Variants in CHCHD6 observed in about 807,000 individuals in gnomAD.
The protein encoded by CHCHD6 is coiled-coil-helix-coiled-coil-helix domain containing 6.
CHCHD6 carries 28 observed loss-of-function variants against 32.3 expected under a neutral mutation model. That is an observed-to-expected ratio of 0.87 (90% CI 0.64 to 1.19). CHCHD6 has a LOEUF of 1.19. CHCHD6 is among the 50% of genes most tolerant of loss of function. CHCHD6 has a pLI of 0.00. For missense variants in CHCHD6, 333 were observed against 307.0 expected (o/e 1.08, Z -0.63); for synonymous variants, 122 against 117.5 (o/e 1.04, Z -0.25).
intron 4 of CHCHD6, among the ~76,000 whole-genome samples, chr3:126,840,054 T>C (rs1434058356): frequency 6.6e-6 from 1 of 152,242 alleles, no homozygotes; most frequent in Non-Finnish European, 1.5e-5. Flanking sequence ...AATGGAATCA[T>C]ATACTATGTG....
At chr3:126,941,567 G>T (rs2078559771) in intron 6 of CHCHD6, among the ~76,000 whole-genome samples, 1 of 152,048 alleles carries the variant, frequency 6.6e-6, no homozygotes, top group South Asian at 2.1e-4. Flanking sequence ...TTTTTTGGGG[G>T]ATAAGTGCGT....
rs904848652 is a variant in CHCHD6 at position 126,924,969 on chromosome 3, A to G, written c.566+10219A>G. Among the ~76,000 whole-genome samples, 13 of 152,248 alleles carry G rather than the reference A, an allele frequency of 8.5e-5. No homozygotes were observed. The South Asian group carries it at 2.7e-3, about 32-fold the overall frequency. Reference sequence around the variant, plus strand: ...CTCACTTGCTCAGGAGCTGCTGGCCAGGTTTTTGCGTCTGTCATTTCATGT... The same window carrying G: ...CTCACTTGCTCAGGAGCTGCTGGCCGGGTTTTTGCGTCTGTCATTTCATGT... On this transcript the variant is annotated intron_variant, in intron 6 of 7. Transcript: ENST00000290913.
chr3:126,749,687 C>T (rs956286993), intron 4 of CHCHD6, among the ~76,000 whole-genome samples: 1 of 152,226 alleles, frequency 6.6e-6, no homozygotes, highest in African/African-American at 2.4e-5. Flanking sequence ...CTCCATTTCT[C>T]TTCAGTTCCT....
chr3:126,757,044 A>T (rs1371768532), intron 4 of CHCHD6, among the ~76,000 whole-genome samples: 1 of 152,206 alleles, frequency 6.6e-6, no homozygotes, highest in Non-Finnish European at 1.5e-5. Flanking sequence ...AGAAAGCCTG[A>T]ACAACCACAC....
intron 4 of CHCHD6, among the ~76,000 whole-genome samples, chr3:126,810,168 A>T (rs1270111411): frequency 6.6e-6 from 1 of 152,246 alleles, no homozygotes; most frequent in Non-Finnish European, 1.5e-5. Flanking sequence ...AAACAAAGTT[A>T]TACTAGAAAG....
chr3:126,783,537 T>C (rs1938052067), intron 4 of CHCHD6, among the ~76,000 whole-genome samples: 1 of 152,238 alleles, frequency 6.6e-6, no homozygotes, highest in African/African-American at 2.4e-5. Context: ...TGGTCTTATA[T>C]ATAGAAGTTC....
chr3:126,707,871 G>T (rs1053127024), intron 1 of CHCHD6, among the ~76,000 whole-genome samples: 2 of 152,226 alleles, frequency 1.3e-5, no homozygotes, highest in Admixed American at 6.5e-5. Context: ...CCTCACCTCA[G>T]TGAATGTCCA....
chr3:126,856,188 C>CTT (rs201173360), intron 5 of CHCHD6, among the ~76,000 whole-genome samples: 2,746 of 152,338 alleles, frequency 0.018, 32 homozygotes, highest in Middle Eastern at 0.051. Context: ...AAGTTTATGA[C>CTT]TGTTTTGGGC....
chr3:126,727,089 C>T lies in CHCHD6; in HGVS notation c.99C>T (p.Asn33=), dbSNP rs147789687. The T allele has an allele frequency of 2.4e-4, 394 of 1,613,252 alleles. 1 individual carries two copies. In the African/African-American group the frequency reaches 4.3e-3, roughly 17 times the overall value. ...RVLQGVRLSE[N]VVNRMKEPSS... ...TTCTGCTTCCTTAGCTGTCTGAAAA[C>T]GTGGTGAACCGCATGAAGGAGCCCA... The change falls in exon 2 of 8, where the codon AAC becomes AAT. Residue 33 remains asparagine, a synonymous_variant. Transcript: ENST00000290913.
At chr3:126,712,219 A>C (rs763660317) in intron 1 of CHCHD6, among the ~76,000 whole-genome samples, 2 of 152,210 alleles carry the variant, frequency 1.3e-5, no homozygotes, top group African/African-American at 2.4e-5. Context: ...ACACAACCAC[A>C]CTGTACTTTA....
At chr3:126,727,281 G>T (rs1214728256) in intron 2 of CHCHD6, 95 bp downstream of exon 2, 8 of 822,018 alleles carry the variant, frequency 9.7e-6, no homozygotes, top group Admixed American at 2.2e-5. Context: ...ACAGGGCTCA[G>T]GTTGGCTTCT....
At chr3:126,951,587 G>A (rs188960251) in intron 6 of CHCHD6, among the ~76,000 whole-genome samples, 21 of 152,300 alleles carry the variant, frequency 1.4e-4, no homozygotes, top group African/African-American at 4.1e-4. Flanking sequence ...AGGGAGGATC[G>A]CCTGGGTCTC....
At chr3:126,797,968 C>T (rs1046343720) in intron 4 of CHCHD6, among the ~76,000 whole-genome samples, 1 of 152,206 alleles carries the variant, frequency 6.6e-6, no homozygotes, top group Non-Finnish European at 1.5e-5. Flanking sequence ...AATGATCTCC[C>T]CCAACTGTGC....
chr3:126,918,708 G>A (rs1353420095), intron 6 of CHCHD6, among the ~76,000 whole-genome samples: 1 of 152,164 alleles, frequency 6.6e-6, no homozygotes, highest in African/African-American at 2.4e-5. Context: ...TGAATGAGAA[G>A]AGAGAAAAAG....
chr3:126,955,369 A>G (rs1170500110), intron 6 of CHCHD6, among the ~76,000 whole-genome samples: 1 of 152,252 alleles, frequency 6.6e-6, no homozygotes, highest in Non-Finnish European at 1.5e-5. Context: ...CGAGAAGTCA[A>G]TGCAGATAAA....
intron 4 of CHCHD6, among the ~76,000 whole-genome samples, chr3:126,805,319 A>G (rs2107692937): frequency 6.6e-6 from 1 of 152,290 alleles, no homozygotes; most frequent in African/African-American, 2.4e-5. Flanking sequence ...CTCAGCCCAA[A>G]ATCTCCTTAA....
At chr3:126,796,249 C>A (rs955479813) in intron 4 of CHCHD6, among the ~76,000 whole-genome samples, 48 of 152,116 alleles carry the variant, frequency 3.2e-4, no homozygotes, top group Admixed American at 3.1e-3. Context: ...ACTCAGGAGG[C>A]TGAGGTGGGA....
intron 5 of CHCHD6, among the ~76,000 whole-genome samples, chr3:126,888,213 G>A (rs751815073): frequency 1.4e-4 from 22 of 152,160 alleles, no homozygotes; most frequent in African/African-American, 3.1e-4. Flanking sequence ...GAGGCCCTCC[G>A]GACTCTGGGG....
chr3:126,955,611 A>C (rs1479073769), intron 6 of CHCHD6, among the ~76,000 whole-genome samples: 1 of 151,932 alleles, frequency 6.6e-6, no homozygotes, highest in Non-Finnish European at 1.5e-5. Context: ...AGGCGGCTGC[A>C]CCCCACCCCA....
Sources: allele counts gnomAD v4.1 joint callset (sites outside exome capture counted in the v4.1 genomes callset), GRCh38; gene constraint gnomAD v4.1.1; transcripts MANE v1.5; gene names NCBI Gene and HGNC (gene_info 2026-07-23, HGNC 2026-07-21).